MARK1: variants seen among roughly 807,000 people sequenced by gnomAD.
The protein encoded by MARK1 is microtubule affinity regulating kinase 1.
Under a neutral mutation model 96.3 loss-of-function variants are expected in MARK1, and 40 were observed. The observed-to-expected ratio is 0.42, with a 90% CI of 0.32 to 0.54. The LOEUF (loss-of-function observed/expected upper bound fraction) is 0.54. Ranked by LOEUF, MARK1 falls within the 20% of genes least tolerant of loss-of-function variation. The pLI is 0.16. For synonymous variants in MARK1, 317 were observed against 341.2 expected, an observed-to-expected ratio of 0.93 and a Z score of 0.78; for missense variants, 719 against 984.6, an observed-to-expected ratio of 0.73 and a Z score of 3.61.
intron 1 of MARK1, among the ~76,000 whole-genome samples, chr1:220,565,683 G>T (rs1013620113): frequency 3.3e-5 from 5 of 152,170 alleles, no homozygotes; most frequent in Non-Finnish European, 5.9e-5. Flanking sequence ...TGGCCTTGTT[G>T]TAGTAGCCAG....
intron 1 of MARK1, among the ~76,000 whole-genome samples, chr1:220,577,429 A>G (rs1663939779): frequency 6.6e-6 from 1 of 152,256 alleles, no homozygotes; most frequent in African/African-American, 2.4e-5. Context: ...TACCCAGGTA[A>G]TAGAAGAGTC....
At chr1:220,533,167 A>G (rs1660442625) in intron 1 of MARK1, among the ~76,000 whole-genome samples, 1 of 152,110 alleles carries the variant, frequency 6.6e-6, no homozygotes, top group African/African-American at 2.4e-5. Context: ...AAATTTACAA[A>G]TCCTTTATGG....
intron 3 of MARK1, among the ~76,000 whole-genome samples, chr1:220,591,567 G>A (rs1664981515): frequency 6.6e-6 from 1 of 152,144 alleles, no homozygotes; most frequent in Non-Finnish European, 1.5e-5. Flanking sequence ...AAATGCCTGT[G>A]CCAATTAGAG....
intron 3 of MARK1, among the ~76,000 whole-genome samples, chr1:220,588,386 C>G (rs995286207): frequency 6.6e-6 from 1 of 152,160 alleles, no homozygotes; most frequent in African/African-American, 2.4e-5. Flanking sequence ...GAAACTGACA[C>G]AGGCTATCAT....
chr1:220,632,133 C>T (rs1667711414), intron 10 of MARK1, 68 bp from the exon 11 acceptor site: 1 of 693,462 alleles, frequency 1.4e-6, no homozygotes. Flanking sequence ...GCAAACTTGC[C>T]CATTTTTGTT....
chr1:220,602,764 G>C (rs1160280968), intron 5 of MARK1, among the ~76,000 whole-genome samples: 1 of 151,896 alleles, frequency 6.6e-6, no homozygotes, highest in Non-Finnish European at 1.5e-5. Flanking sequence ...TAACATTGTA[G>C]ATGTATTAGT....
chr1:220,657,516 A>C (rs1044196007), intron 16 of MARK1, among the ~76,000 whole-genome samples: 1 of 152,234 alleles, frequency 6.6e-6, no homozygotes, highest in Non-Finnish European at 1.5e-5. Context: ...ACTTCAAATG[A>C]ATCATGGCTG....
In MARK1 at chr1:220,533,606, C is replaced by T. The variant is rs151264895; in HGVS notation, c.51+4733C>T. Among the ~76,000 whole-genome samples the T allele has an allele frequency of 1.2e-4, 18 of 152,232 alleles. No individual in the cohort carries two copies. The East Asian group carries it at 3.5e-3, about 29-fold the overall frequency. On this transcript the variant is annotated intron_variant, in intron 1 of 17. Transcript: ENST00000366917. Reference sequence around the variant, plus strand: ...AACGATAGCTTTGCTTAGTCTGTAACTCTAGGTTGATAGTTTGATTTCTTT... The same window carrying T: ...AACGATAGCTTTGCTTAGTCTGTAATTCTAGGTTGATAGTTTGATTTCTTT...
chr1:220,556,633 A>G (rs1187446909), intron 1 of MARK1, among the ~76,000 whole-genome samples: 1 of 152,184 alleles, frequency 6.6e-6, no homozygotes, highest in Non-Finnish European at 1.5e-5. Flanking sequence ...AAAGCAGAAT[A>G]TAAATTTGTT....
chr1:220,567,754 TAAC>T (rs1311071318), intron 1 of MARK1, among the ~76,000 whole-genome samples: 1 of 152,156 alleles, frequency 6.6e-6, no homozygotes, highest in African/African-American at 2.4e-5. Flanking sequence ...TTATAGGTAA[TAAC>T]AACATTTTAT....
At chr1:220,622,745 G>A (rs532682218) in intron 9 of MARK1, among the ~76,000 whole-genome samples, 11 of 152,142 alleles carry the variant, frequency 7.2e-5, no homozygotes, top group Non-Finnish European at 1.3e-4. Flanking sequence ...TTAGCTGGGC[G>A]TGGTGTCACA....
At chr1:220,653,441 TA>T (rs1313979075) in intron 16 of MARK1, 89 bp downstream of exon 16, 2 of 1,366,226 alleles carry the variant, frequency 1.5e-6, no homozygotes, top group African/African-American at 1.5e-5. Context: ...AATAATTTTC[TA>T]AAATGGTTTC....
chr1:220,539,501 G>T (rs1206707455), intron 1 of MARK1, among the ~76,000 whole-genome samples: 3 of 152,048 alleles, frequency 2.0e-5, no homozygotes, highest in Non-Finnish European at 2.9e-5. Flanking sequence ...TTGCATCAAT[G>T]TTCTTTTTAT....
At chr1:220,645,056 C>A (rs775142395) in intron 13 of MARK1, among the ~76,000 whole-genome samples, 1 of 151,776 alleles carries the variant, frequency 6.6e-6, no homozygotes, top group Non-Finnish European at 1.5e-5. Flanking sequence ...AGCTAGCAGA[C>A]AAGAAATAAC....
Position 220,662,137 on chromosome 1 carries a change from T to A in MARK1, c.2359T>A (p.Ser787Thr). The change falls in exon 18 of 18, where the codon TCA (serine) becomes ACA (threonine). Residue 787 changes from serine (S) to threonine (T), a missense_variant. Transcript: ENST00000366917. ...ATCTATTGCCTTTAAGAACATTGCATCAAAAATAGCAAATGAGCTTAAGCT... is the reference window on the plus strand; with the variant it reads ...ATCTATTGCCTTTAAGAACATTGCAACAAAAATAGCAAATGAGCTTAAGCT... ...GTSIAFKNIA[S>T]KIANELKL 1.4e-5 allele frequency: 22 copies of A among 1,612,498 alleles called. No individual in the cohort carries two copies. The highest frequency in any genetic ancestry group is 1.9e-5 in the Non-Finnish European group (22 of 1,179,318).
chr1:220,539,700 C>G (rs192754505), intron 1 of MARK1, among the ~76,000 whole-genome samples: 1 of 151,324 alleles, frequency 6.6e-6, no homozygotes, highest in Admixed American at 6.6e-5. Context: ...GTGCCATCCT[C>G]GTATCCTAGG....
intron 3 of MARK1, 78 bp from the exon 4 acceptor site, chr1:220,598,253 T>C: frequency 2.0e-6 from 1 of 496,070 alleles, no homozygotes; most frequent in East Asian, 5.8e-5. Context: ...ATTAATTTCT[T>C]CAAATAAATA....
intron 3 of MARK1, among the ~76,000 whole-genome samples, chr1:220,590,820 T>C (rs1195235312): frequency 6.6e-6 from 1 of 152,164 alleles, no homozygotes; most frequent in Non-Finnish European, 1.5e-5. Context: ...TGTTATCGCT[T>C]ATGTTTTTTT....
chr1:220,590,069 C>G (rs1439941373), intron 3 of MARK1, among the ~76,000 whole-genome samples: 1 of 152,186 alleles, frequency 6.6e-6, no homozygotes, highest in East Asian at 1.9e-4. Context: ...TGTGGCTCTT[C>G]CTCTCCCTCT....
Sources: gnomAD v4.1 joint callset for allele counts (sites outside exome capture counted in the v4.1 genomes callset) on GRCh38, gnomAD v4.1.1 for gene constraint, MANE v1.5 for transcripts, NCBI Gene and HGNC (gene_info 2026-07-23, HGNC 2026-07-21) for gene names.